PIWIL2: variants seen among roughly 807,000 people sequenced by gnomAD.
PIWIL2 encodes the protein piwi like RNA-mediated gene silencing 2, also known as piwi-like protein 2.
Under a neutral mutation model 116.5 loss-of-function variants are expected in PIWIL2, and 81 were observed. That is an observed-to-expected ratio of 0.70 (90% CI 0.58 to 0.84). The LOEUF (loss-of-function observed/expected upper bound fraction) is 0.84, where lower values mean the gene tolerates loss of function less well. Ranked by LOEUF, PIWIL2 falls within the 40% of genes least tolerant of loss-of-function variation. The pLI is 0.00. For missense variants in PIWIL2, 1,272 were observed against 1,212.3 expected, an observed-to-expected ratio of 1.05 and a Z score of -0.73; for synonymous variants, 489 against 429.5, an observed-to-expected ratio of 1.14 and a Z score of -1.71.
At chr8:22,347,089 T>G (rs1200519338) in intron 20 of PIWIL2, among the ~76,000 whole-genome samples, 1 of 151,212 alleles carries the variant, frequency 6.6e-6, no homozygotes, top group African/African-American at 2.4e-5. Context: ...GAGGATTGCT[T>G]GAGTTCAGGA....
At chr8:22,294,078 C>T (rs1230591202) in intron 10 of PIWIL2, among the ~76,000 whole-genome samples, 4 of 152,166 alleles carry the variant, frequency 2.6e-5, no homozygotes, top group Non-Finnish European at 5.9e-5. Context: ...TGGCTCACCT[C>T]TGTAATCCTG....
intron 20 of PIWIL2, among the ~76,000 whole-genome samples, chr8:22,340,694 A>G (rs1832087398): frequency 6.6e-6 from 1 of 152,042 alleles, no homozygotes; most frequent in South Asian, 2.1e-4. Flanking sequence ...TTGAACAGAC[A>G]AGGAAAGATT....
chr8:22,288,196 G>A (rs182005540), intron 7 of PIWIL2, among the ~76,000 whole-genome samples: 1 of 151,672 alleles, frequency 6.6e-6, no homozygotes, highest in African/African-American at 2.4e-5. Context: ...TACTCAGGAG[G>A]CTGAGGCAGG....
intron 19 of PIWIL2, 139 bp downstream of exon 19, chr8:22,316,472 G>T: frequency 3.3e-6 from 2 of 612,306 alleles, no homozygotes; most frequent in African/African-American, 1.9e-5. Flanking sequence ...ATCTTCATGT[G>T]AATTTTTTTT....
rs770221572 is a variant in PIWIL2 at position 22,279,432 on chromosome 8, C to G, written c.46C>G (p.Pro16Ala). ...PSFRGQSPIH[P>A]SQCQAVRMPG... ...GTTCAGGGGCCAGTCTCCTATCCAC[C>G]CATCCCAGTGCCAGGCTGTACGGAT... is the stretch of plus-strand genomic sequence containing the variant. Residue 16 changes from proline to alanine, a missense_variant, in exon 2 of 23, where the codon CCA becomes GCA. By Grantham distance (27) the Pro-to-Ala change is conservative. Transcript: ENST00000356766. 1 of 1,614,162 alleles carries G rather than the reference C, an allele frequency of 6.2e-7. No homozygotes were observed. Among genetic ancestry groups the G allele is most frequent in the Non-Finnish European group, 8.5e-7 (1 of 1,180,000 alleles).
Position 22,352,968 on chromosome 8 carries a change from T to C in PIWIL2, c.2413T>C (p.Cys805Arg), listed in dbSNP as rs745947515. 6.2e-7 allele frequency: 1 copy of C among 1,611,584 alleles called. No individual in the cohort carries two copies. The highest frequency in any genetic ancestry group is 1.1e-5 in the South Asian group (1 of 90,870). The part of the protein sequence containing the change: ...SLKKFYEVNH[C>R]LPEKIVVYRD... ...CTCGCTGTCATTTCAGGTGAACCAC[T>C]GTCTACCAGAGAAGATTGTGGTGTA... Residue 805 changes from cysteine to arginine, a missense_variant, in exon 21 of 23, where the codon TGT (cysteine) becomes CGT (arginine). Physicochemically the swap from Cys to Arg is radical, Grantham distance 180 (BLOSUM62 -3). Coordinates refer to ENST00000356766, the MANE Select transcript of PIWIL2 (RefSeq NM_018068.5).
At chr8:22,290,464 C>T (rs1474479404) in intron 10 of PIWIL2, 118 bp downstream of exon 10, 1 of 622,356 alleles carries the variant, frequency 1.6e-6, no homozygotes, top group Admixed American at 2.3e-5. Flanking sequence ...CCCCCAGAGA[C>T]AGGGTCTTGT....
chr8:22,311,528 C>T (rs998844961), intron 16 of PIWIL2, among the ~76,000 whole-genome samples: 10 of 152,172 alleles, frequency 6.6e-5, no homozygotes, highest in East Asian at 3.8e-4. Flanking sequence ...CTTTTTCTTA[C>T]GTAACTGGCT....
At chr8:22,284,522 T>C (rs1173990359) in intron 6 of PIWIL2, among the ~76,000 whole-genome samples, 2 of 152,220 alleles carry the variant, frequency 1.3e-5, no homozygotes, top group African/African-American at 4.8e-5. Context: ...GTTAATTTAA[T>C]GTGAAATTAA....
At position 22,281,333 on chromosome 8, in the gene PIWIL2, C is replaced by A. The variant is rs371377774; in HGVS notation, c.287-44C>A. Reference sequence around the variant, plus strand: ...AAAAAAAAAACTATACTTTAAAACACGTTTAAGTCATAGTCATTGCTGGGG... The same window carrying A: ...AAAAAAAAAACTATACTTTAAAACAAGTTTAAGTCATAGTCATTGCTGGGG... On this transcript the variant is annotated intron_variant, in intron 3 of 22. Coordinates refer to ENST00000356766, the MANE Select transcript of PIWIL2 (RefSeq NM_018068.5). 3 of 1,584,114 alleles carry A rather than the reference C, an allele frequency of 1.9e-6. No homozygotes were observed. In the African/African-American group the frequency reaches 4.1e-5, roughly 22 times the overall value.
chr8:22,307,680 CTTGCCCATG>C lies in PIWIL2; in HGVS notation c.1546-240_1546-232del, dbSNP rs574747817. On this transcript the variant is annotated intron_variant, in intron 13 of 22. Coordinates refer to ENST00000356766, the MANE Select transcript of PIWIL2 (RefSeq NM_018068.5). Reference sequence around the variant, plus strand: ...TAAAAGTTTTTTATAGAGACAGAGTCTTGCCCATGTTGCCCATGTTGGTCTCGAACACCT... The same window carrying C: ...TAAAAGTTTTTTATAGAGACAGAGTCTTGCCCATGTTGGTCTCGAACACCT... 2.4e-4 allele frequency among the ~76,000 whole-genome samples: 36 copies of C among 151,772 alleles called. No individual in the cohort carries two copies. In the East Asian group the frequency reaches 5.3e-3, roughly 22 times the overall value.
chr8:22,301,534 T>G (rs975651493), intron 10 of PIWIL2, among the ~76,000 whole-genome samples: 1 of 151,796 alleles, frequency 6.6e-6, no homozygotes, highest in Admixed American at 6.6e-5. Flanking sequence ...GCTCAAGTGA[T>G]CCCCCCGCCT....
At chr8:22,283,856 C>T (rs760726721) in intron 5 of PIWIL2, among the ~76,000 whole-genome samples, 7 of 152,178 alleles carry the variant, frequency 4.6e-5, no homozygotes, top group South Asian at 2.1e-4. Flanking sequence ...GGAAGAATAT[C>T]GTGACGCTTC....
intron 10 of PIWIL2, among the ~76,000 whole-genome samples, chr8:22,295,731 AT>A (rs1445349512): frequency 1.3e-5 from 2 of 152,150 alleles, no homozygotes; most frequent in Non-Finnish European, 2.9e-5. Flanking sequence ...ACAGAAGAGC[AT>A]TTATTTTCCT....
Position 22,314,370 on chromosome 8 carries a change from G to A in PIWIL2, c.2032G>A (p.Asp678Asn). The stretch of plus-strand genomic sequence containing the variant: ...TGTTTGCATCATCATGGGCCCACGT[G>A]ATGATCTCTATGGGGCCATCAAGAA... ...MVVCIIMGPR[D>N]DLYGAIKKLC... The change falls in exon 17 of 23, where the codon GAT becomes AAT. Residue 678 changes from aspartate (D) to asparagine (N), a missense_variant. Asp to Asn is a conservative substitution (Grantham distance 23). Transcript: ENST00000356766. 2 of 1,584,024 alleles carry A rather than the reference G, an allele frequency of 1.3e-6. No homozygotes were observed. Among genetic ancestry groups the A allele is most frequent in the South Asian group, 2.3e-5 (2 of 86,154 alleles).
chr8:22,355,292 A>G, intron 22 of PIWIL2, 57 bp from the exon 23 acceptor site: 2 of 1,569,508 alleles, frequency 1.3e-6, no homozygotes, highest in Non-Finnish European at 1.8e-6. Flanking sequence ...ATTGTATTGC[A>G]TGCCACAAAT....
intron 20 of PIWIL2, among the ~76,000 whole-genome samples, chr8:22,321,047 T>C (rs1315381719): frequency 6.6e-6 from 1 of 152,250 alleles, no homozygotes; most frequent in Non-Finnish European, 1.5e-5. Context: ...CAGTTTGTTT[T>C]GGTCTCTGTT....
At chr8:22,286,131 T>C (rs1457259685) in intron 6 of PIWIL2, among the ~76,000 whole-genome samples, 1 of 152,090 alleles carries the variant, frequency 6.6e-6, no homozygotes, top group African/African-American at 2.4e-5. Context: ...ATGAAGGTAA[T>C]GAGAAGGTGG....
In PIWIL2 at chr8:22,349,417, G is replaced by GTATATATATATA. The variant is rs1431825878; in HGVS notation, c.2404-3541_2404-3540insATATATATATAT. On this transcript the variant is annotated intron_variant, in intron 20 of 22. Coordinates refer to ENST00000356766, the MANE Select transcript of PIWIL2 (RefSeq NM_018068.5). ...ACTTTTGTGTACAATATATGTGTGTGTGTATATATATATATATATATATAT... is the reference window on the plus strand; with the variant it reads ...ACTTTTGTGTACAATATATGTGTGTGTATATATATATATGTATATATATATATATATATATAT... Among the ~76,000 whole-genome samples, 724 of 134,454 alleles carry GTATATATATATA rather than the reference G, an allele frequency of 5.4e-3. 6 individuals are homozygous for GTATATATATATA. The highest frequency in any genetic ancestry group is 8.6e-3 in the Non-Finnish European group (543 of 63,228). The allele number at this position is 134,454 out of a possible 152,430, so 88.2% of individuals were successfully genotyped here.
Sources: allele counts gnomAD v4.1 joint callset (sites outside exome capture counted in the v4.1 genomes callset), GRCh38; gene constraint gnomAD v4.1.1; transcripts MANE v1.5; gene names NCBI Gene and HGNC (gene_info 2026-07-23, HGNC 2026-07-21).